The following TSPAN7 variants were observed in gnomAD, a reference collection of about 807,000 sequenced individuals.
TSPAN7 encodes the protein tetraspanin-7.
In TSPAN7, 1 loss-of-function variant was observed where a neutral mutation model predicts 17.6. The ratio of observed to expected loss-of-function variants is 0.06; its 90% CI spans 0.02 to 0.27. The LOEUF (loss-of-function observed/expected upper bound fraction) is 0.27. TSPAN7 is among the 10% of genes least tolerant of loss of function. The pLI is 1.00. For synonymous variants in TSPAN7, 78 were observed against 79.0 expected (o/e 0.99, Z 0.07); for missense variants, 112 against 201.7 (o/e 0.56, Z 2.69).
intron 1 of TSPAN7, among the ~76,000 whole-genome samples, chrX:38,625,467 C>T (rs1355563114): frequency 5.4e-5 from 6 of 111,805 alleles, no homozygotes; most frequent in Non-Finnish European, 1.1e-4. Flanking sequence ...CCTTGCCTCC[C>T]CAGGTGATCT....
intron 1 of TSPAN7, among the ~76,000 whole-genome samples, chrX:38,651,630 G>A (rs1355645792): frequency 8.9e-6 from 1 of 112,211 alleles, no homozygotes; most frequent in Non-Finnish European, 1.9e-5. Flanking sequence ...CGATGGGGCA[G>A]GAGGGCTGAG....
At position 38,681,238 on chromosome X, in the gene TSPAN7, C is replaced by T. The variant is rs2069889241; in HGVS notation, c.632C>T (p.Thr211Ile). ...CYDLVTSFMETNMGIIAGVAF... is the reference protein window; with the variant it reads ...CYDLVTSFMEINMGIIAGVAF... ...GATCTGGTAACTAGTTTCATGGAGACTAACATGGGAATCATCGCTGGAGTG... is the reference window on the plus strand; with the variant it reads ...GATCTGGTAACTAGTTTCATGGAGATTAACATGGGAATCATCGCTGGAGTG... The change falls in exon 6 of 8, where the codon ACT becomes ATT. Residue 211 changes from threonine to isoleucine, a missense_variant. Thr to Ile is a moderately conservative substitution (Grantham distance 89, BLOSUM62 -1). Transcript: ENST00000378482. 9 of 1,208,811 alleles carry T rather than the reference C, an allele frequency of 7.4e-6. No individual in the cohort carries two copies. Among genetic ancestry groups the T allele is most frequent in the Non-Finnish European group, 1.0e-5 (9 of 894,433 alleles).
At chrX:38,641,255 C>T (rs1980423) in intron 1 of TSPAN7, among the ~76,000 whole-genome samples, 35,481 of 111,411 alleles carry the variant, frequency 0.32, 4,235 homozygotes, top group East Asian at 0.68. Context: ...TGAACTTTCA[C>T]AAGTGAAGGT....
intron 2 of TSPAN7, among the ~76,000 whole-genome samples, chrX:38,670,258 T>C (rs1247296290): frequency 8.9e-6 from 1 of 112,189 alleles, no homozygotes; most frequent in Admixed American, 9.4e-5. Flanking sequence ...AAAACCATTA[T>C]ATTTCATTTT....
At chrX:38,651,848 C>T (rs1243267996) in intron 1 of TSPAN7, among the ~76,000 whole-genome samples, 1 of 112,179 alleles carries the variant, frequency 8.9e-6, no homozygotes, top group African/African-American at 3.2e-5. Flanking sequence ...AGGTTTTTGA[C>T]AGAATCCTTG....
chrX:38,655,386 T>C (rs2069697417), intron 1 of TSPAN7, among the ~76,000 whole-genome samples: 1 of 111,452 alleles, frequency 9.0e-6, no homozygotes, highest in African/African-American at 3.3e-5. Flanking sequence ...CATCTGAATT[T>C]TCCCTGTACA....
intron 1 of TSPAN7, among the ~76,000 whole-genome samples, chrX:38,609,613 T>C (rs1438556769): frequency 9.2e-6 from 1 of 108,220 alleles, no homozygotes; most frequent in Non-Finnish European, 1.9e-5. Flanking sequence ...TGTATATGTG[T>C]ATATACATGT....
At chrX:38,572,826 G>A (rs1052368059) in intron 1 of TSPAN7, among the ~76,000 whole-genome samples, 12 of 111,589 alleles carry the variant, frequency 1.1e-4, no homozygotes, top group Non-Finnish European at 1.7e-4. Context: ...AAGCTTTTGC[G>A]GACTTCTAGC....
intron 1 of TSPAN7, among the ~76,000 whole-genome samples, chrX:38,579,207 G>C (rs952947674): frequency 1.8e-5 from 2 of 111,379 alleles, no homozygotes; most frequent in Non-Finnish European, 3.8e-5. Flanking sequence ...TGTCTCAAAG[G>C]TAGAGTGCCT....
chrX:38,634,975 C>T (rs1403025520), intron 1 of TSPAN7, among the ~76,000 whole-genome samples: 1 of 110,369 alleles, frequency 9.1e-6, no homozygotes, highest in African/African-American at 3.3e-5. Flanking sequence ...TTATCTAGGG[C>T]AAAGGCCACA....
At chrX:38,581,820 G>A (rs772864653) in intron 1 of TSPAN7, among the ~76,000 whole-genome samples, 8 of 112,445 alleles carry the variant, frequency 7.1e-5, no homozygotes, top group African/African-American at 2.6e-4. Flanking sequence ...TGCCTCCTAT[G>A]GCTATAAGCC....
intron 1 of TSPAN7, among the ~76,000 whole-genome samples, chrX:38,595,962 A>G (rs932471639): frequency 9.0e-6 from 1 of 111,391 alleles, no homozygotes; most frequent in Non-Finnish European, 1.9e-5. Flanking sequence ...TTAAAAATCA[A>G]ATTTCCACTG....
chrX:38,648,042 A>G (rs2069654522), intron 1 of TSPAN7, among the ~76,000 whole-genome samples: 1 of 111,946 alleles, frequency 8.9e-6, no homozygotes, highest in Non-Finnish European at 1.9e-5. Context: ...AGACTGTGGG[A>G]CATGGGGCAC....
intron 1 of TSPAN7, among the ~76,000 whole-genome samples, chrX:38,645,683 A>C (rs2069640838): frequency 8.9e-6 from 1 of 112,252 alleles, no homozygotes; most frequent in South Asian, 3.7e-4. Context: ...CAAAAGCCAG[A>C]GCAAACCTCT....
intron 6 of TSPAN7, 138 bp downstream of exon 6, chrX:38,681,425 A>T (rs113703013): frequency 5.6e-6 from 3 of 537,629 alleles, no homozygotes; most frequent in African/African-American, 2.3e-5. Context: ...ATTAGTCCTC[A>T]GGTGATCTGT....
chrX:38,684,390 T>C (rs1178754830), intron 6 of TSPAN7, among the ~76,000 whole-genome samples: 1 of 111,440 alleles, frequency 9.0e-6, no homozygotes, highest in East Asian at 2.8e-4. Context: ...TGCTGCCCTA[T>C]AAATTTATAG....
At chrX:38,603,047 A>G (rs1284782324) in intron 1 of TSPAN7, among the ~76,000 whole-genome samples, 1 of 112,448 alleles carries the variant, frequency 8.9e-6, no homozygotes. Context: ...GGCTTGTATC[A>G]ACAATATATG....
chrX:38,672,228 GA>G (rs761568072), intron 3 of TSPAN7, among the ~76,000 whole-genome samples: 74 of 108,702 alleles, frequency 6.8e-4, no homozygotes, highest in African/African-American at 1.5e-3. Flanking sequence ...AAAAGAAAAA[GA>G]AAAAAAATAT....
chrX:38,570,439 T>C (rs1272623228), intron 1 of TSPAN7, among the ~76,000 whole-genome samples: 1 of 111,899 alleles, frequency 8.9e-6, no homozygotes, highest in Admixed American at 9.5e-5. Flanking sequence ...TTGGTCTAAA[T>C]AGAATGAAAT....
Sources: gnomAD v4.1 joint callset for allele counts (sites outside exome capture counted in the v4.1 genomes callset) on GRCh38, gnomAD v4.1.1 for gene constraint, MANE v1.5 for transcripts, NCBI Gene and HGNC (gene_info 2026-07-23, HGNC 2026-07-21) for gene names.